The following ZBTB7C variants were observed in gnomAD, a reference collection of about 807,000 sequenced individuals.
ZBTB7C encodes zinc finger and BTB domain-containing protein 7C.
Under a neutral mutation model 25.7 loss-of-function variants are expected in ZBTB7C, and 8 were observed. That is an observed-to-expected ratio of 0.31 (90% CI 0.18 to 0.56). The LOEUF is 0.56. Ranked by LOEUF, ZBTB7C falls within the 20% of genes least tolerant of loss-of-function variation. The pLI is 0.91. For synonymous variants in ZBTB7C, 394 were observed against 369.0 expected, an observed-to-expected ratio of 1.07 and a Z score of -0.78; for missense variants, 824 against 855.2, an observed-to-expected ratio of 0.96 and a Z score of 0.46.
At chr18:48,371,101 C>CCTA (rs1470410425) in intron 1 of ZBTB7C, among the ~76,000 whole-genome samples, 1 of 152,016 alleles carries the variant, frequency 6.6e-6, no homozygotes, top group East Asian at 1.9e-4. Flanking sequence ...AGAGAGAGTA[C>CCTA]CTAGCTTTCA....
intron 2 of ZBTB7C, among the ~76,000 whole-genome samples, chr18:48,295,928 A>G (rs2045375072): frequency 6.6e-6 from 1 of 152,210 alleles, no homozygotes; most frequent in African/African-American, 2.4e-5. Flanking sequence ...GAACAATCCT[A>G]GGACGGAGTT....
At chr18:48,363,917 C>G (rs1598960846) in intron 1 of ZBTB7C, among the ~76,000 whole-genome samples, 1 of 152,040 alleles carries the variant, frequency 6.6e-6, no homozygotes, top group African/African-American at 2.4e-5. Context: ...AAACAAAACC[C>G]CACAGCCTCC....
intron 2 of ZBTB7C, among the ~76,000 whole-genome samples, chr18:48,218,444 G>T (rs553197079): frequency 1.3e-5 from 2 of 152,236 alleles, no homozygotes; most frequent in South Asian, 4.1e-4. Context: ...CCAAAGGCAG[G>T]CCTTCTATAC....
chr18:48,306,061 G>A (rs1387770550), intron 2 of ZBTB7C, among the ~76,000 whole-genome samples: 1 of 152,192 alleles, frequency 6.6e-6, no homozygotes, highest in Non-Finnish European at 1.5e-5. Context: ...AAATGTCTGT[G>A]AACAAACATT....
chr18:48,383,328 C>T (rs189713476), intron 1 of ZBTB7C, among the ~76,000 whole-genome samples: 29 of 152,218 alleles, frequency 1.9e-4, no homozygotes, highest in South Asian at 4.1e-4. Context: ...TGCAGTGGCG[C>T]GAACTCGGCT....
chr18:48,339,526 GCA>G (rs544861475), intron 1 of ZBTB7C, among the ~76,000 whole-genome samples: 67 of 152,344 alleles, frequency 4.4e-4, no homozygotes, highest in South Asian at 3.5e-3. Context: ...GGAAACAGAT[GCA>G]CAGAGAGGTT....
intron 1 of ZBTB7C, among the ~76,000 whole-genome samples, chr18:48,394,302 T>C (rs1457877229): frequency 6.6e-6 from 1 of 152,138 alleles, no homozygotes; most frequent in Non-Finnish European, 1.5e-5. Context: ...TAATGATTGA[T>C]TAGAGGGGGC....
chr18:48,196,606 G>A (rs1015628888), intron 2 of ZBTB7C, among the ~76,000 whole-genome samples: 14 of 152,106 alleles, frequency 9.2e-5, no homozygotes, highest in Admixed American at 6.5e-4. Context: ...ATGTGGCCAC[G>A]GACTTATCTC....
intron 2 of ZBTB7C, among the ~76,000 whole-genome samples, chr18:48,215,357 C>T (rs2042798328): frequency 6.6e-6 from 1 of 152,184 alleles, no homozygotes; most frequent in Admixed American, 6.5e-5. Flanking sequence ...ATGACACAGC[C>T]TCAGGAGGTC....
intron 3 of ZBTB7C, chr18:48,165,096 T>C (rs1210292745): frequency 7.8e-7 from 1 of 1,286,898 alleles, no homozygotes; most frequent in Admixed American, 2.3e-5. Context: ...CAAACAAGTA[T>C]GGTTACAAAA....
intron 2 of ZBTB7C, among the ~76,000 whole-genome samples, chr18:48,324,352 T>G (rs183172288): frequency 6.6e-6 from 1 of 151,730 alleles, no homozygotes; most frequent in East Asian, 1.9e-4. Flanking sequence ...TGGGAAAGAG[T>G]ACTATGAGCT....
intron 3 of ZBTB7C, among the ~76,000 whole-genome samples, chr18:48,108,633 G>A (rs2039121108): frequency 6.6e-6 from 1 of 152,038 alleles, no homozygotes; most frequent in Non-Finnish European, 1.5e-5. Context: ...GTAGAGACAG[G>A]GTCTTGCTTT....
chr18:48,325,166 C>A (rs1157198669), intron 2 of ZBTB7C, among the ~76,000 whole-genome samples: 3 of 152,174 alleles, frequency 2.0e-5, no homozygotes, highest in Non-Finnish European at 2.9e-5. Flanking sequence ...ATGAAACTCA[C>A]TTTGAGGACC....
chr18:48,290,831 G>A (rs1052927039), intron 2 of ZBTB7C, among the ~76,000 whole-genome samples: 6 of 152,200 alleles, frequency 3.9e-5, no homozygotes, highest in African/African-American at 1.4e-4. Flanking sequence ...TAGTCCAAGA[G>A]TGCCCTCCTC....
intron 3 of ZBTB7C, chr18:48,165,315 C>T: frequency 2.3e-6 from 1 of 444,198 alleles, no homozygotes; most frequent in Non-Finnish European, 4.5e-6. Context: ...TAAGACAACA[C>T]TCCGACGTAG....
intron 2 of ZBTB7C, among the ~76,000 whole-genome samples, chr18:48,190,604 C>T (rs2042170028): frequency 6.6e-6 from 1 of 152,176 alleles, no homozygotes; most frequent in Non-Finnish European, 1.5e-5. Flanking sequence ...ATTTAGCCTG[C>T]ATGACATCCT....
At chr18:48,274,101 G>A (rs1165144201) in intron 2 of ZBTB7C, among the ~76,000 whole-genome samples, 1 of 152,168 alleles carries the variant, frequency 6.6e-6, no homozygotes, top group African/African-American at 2.4e-5. Flanking sequence ...GGTAAGCAAA[G>A]TATCAGATGC....
intron 2 of ZBTB7C, among the ~76,000 whole-genome samples, chr18:48,328,691 T>C (rs1393206797): frequency 6.6e-6 from 1 of 152,168 alleles, no homozygotes; most frequent in Non-Finnish European, 1.5e-5. Flanking sequence ...GCCTATCTCC[T>C]GACTCACAGT....
intron 3 of ZBTB7C, among the ~76,000 whole-genome samples, chr18:48,130,536 C>T (rs889535073): frequency 1.3e-5 from 2 of 152,164 alleles, no homozygotes; most frequent in Non-Finnish European, 2.9e-5. Flanking sequence ...TCTGCTAATC[C>T]TCCTCCGAGA....
Sources: allele counts gnomAD v4.1 joint callset (sites outside exome capture counted in the v4.1 genomes callset), GRCh38; gene constraint gnomAD v4.1.1; transcripts MANE v1.5; gene names NCBI Gene and HGNC (gene_info 2026-07-23, HGNC 2026-07-21).